OBP2B: variants seen among roughly 807,000 people sequenced by gnomAD.
The protein encoded by OBP2B is odorant-binding protein 2b.
A neutral mutation model predicts 21.7 loss-of-function variants in OBP2B; 10 were observed. The ratio of observed to expected loss-of-function variants is 0.46; its 90% CI spans 0.28 to 0.78. The LOEUF is 0.78. Among genes scored for constraint, OBP2B ranks in the 30% least tolerant of loss-of-function variants. OBP2B has a pLI of 0.11. For synonymous variants in OBP2B, 73 were observed against 91.5 expected (o/e 0.80, Z 1.16); for missense variants, 153 against 217.7 (o/e 0.70, Z 1.87).
chr9:133,219,350 T>G, the OBP2B span, among the ~76,000 whole-genome samples: 2 of 152,162 alleles, frequency 1.3e-5, no homozygotes, highest in Non-Finnish European at 2.9e-5. Context: ...CGTGAGAAAA[T>G]ACTTGCAAAT....
chr9:133,205,414 G>A lies in OBP2B; in HGVS notation c.*2-3C>T, dbSNP rs1241515800. On this transcript the variant is annotated splice_polypyrimidine_tract_variant and splice_region_variant and intron_variant, in intron 6 of 6. Transcript: ENST00000372034. The stretch of plus-strand genomic sequence containing the variant: ...TGGAGGTGCAGACCCGGGGGCTGCT[G>A]TGCTGGGAAGAGGAGCAGAGGTCAG... 1.5e-6 allele frequency: 2 copies of A among 1,330,774 alleles called. No individual in the cohort carries two copies. The highest frequency in any genetic ancestry group is 2.1e-6 in the Non-Finnish European group (2 of 961,128). 82.4% of individuals were successfully genotyped at this position (1,330,774 alleles called of 1,614,324 possible).
At chr9:133,207,114 G>A (rs538698577) in intron 4 of OBP2B, 112 bp downstream of exon 4, 103 of 758,810 alleles carry the variant, frequency 1.4e-4, no homozygotes, top group South Asian at 1.1e-3. Flanking sequence ...CATGAAAGCC[G>A]GCACAGGGGG....
chr9:133,210,331 A>G (rs1410121565), upstream of OBP2B, among the ~76,000 whole-genome samples: 2 of 152,078 alleles, frequency 1.3e-5, no homozygotes, highest in African/African-American at 2.4e-5. Context: ...AGACACTCTC[A>G]AGTACTTACT....
chr9:133,208,810 A>G (rs1185546473), intron 1 of OBP2B, among the ~76,000 whole-genome samples: 16 of 151,952 alleles, frequency 1.1e-4, no homozygotes, highest in Non-Finnish European at 2.2e-4. Context: ...CAGTGGAAGG[A>G]GGGCATGTCT....
chr9:133,211,544 G>A (rs1296582481), upstream of OBP2B, among the ~76,000 whole-genome samples: 2 of 152,334 alleles, frequency 1.3e-5, no homozygotes, highest in Middle Eastern at 6.8e-3. Context: ...AAACCCAGAT[G>A]TGCAAGTGAA....
chr9:133,207,676 G>A (rs1833779170), intron 3 of OBP2B, among the ~76,000 whole-genome samples: 1 of 139,132 alleles, frequency 7.2e-6, no homozygotes, highest in South Asian at 2.3e-4. Context: ...CTAACCCTCG[G>A]CCTCCCCATC....
At chr9:133,215,157 C>T in the OBP2B span, among the ~76,000 whole-genome samples, 40 of 152,176 alleles carry the variant, frequency 2.6e-4, no homozygotes, top group African/African-American at 8.2e-4. Context: ...AACTTAAAAA[C>T]ACAATACTAC....
At chr9:133,206,086 C>G (rs1833698863) in intron 5 of OBP2B, 146 bp from the exon 6 acceptor site, 1 of 834,256 alleles carries the variant, frequency 1.2e-6, no homozygotes, top group East Asian at 2.6e-5. Context: ...GAGCGCGGAG[C>G]CCCAGACCCC....
the OBP2B span, among the ~76,000 whole-genome samples, chr9:133,221,095 C>A: frequency 6.6e-6 from 1 of 152,200 alleles, no homozygotes; most frequent in Non-Finnish European, 1.5e-5. Flanking sequence ...GTTGTCTCAG[C>A]AAAACCTGCA....
intron 4 of OBP2B, 131 bp from the exon 5 acceptor site, chr9:133,206,547 C>T (rs1395115469): frequency 1.2e-5 from 14 of 1,204,756 alleles, no homozygotes; most frequent in African/African-American, 7.6e-5. Context: ...GATCAGAGCT[C>T]GGGGGTGGGG....
chr9:133,206,414 T>C lies in OBP2B; in HGVS notation c.391A>G (p.Arg131Gly). 1.9e-6 allele frequency: 3 copies of C among 1,613,752 alleles called. No individual in the cohort carries two copies. The highest frequency in any genetic ancestry group is 2.5e-6 in the Non-Finnish European group (3 of 1,179,762). The change falls in exon 5 of 7, where the codon AGG becomes GGG. Residue 131 changes from arginine (R) to glycine (G), a missense_variant and splice_region_variant. Physicochemically the swap from Arg to Gly is moderately radical, Grantham distance 125. Coordinates refer to ENST00000372034, the MANE Select transcript of OBP2B (RefSeq NM_014581.4). ...GLLHMGKLVG[R>G]NSDTNREALE... ...GCCTCCCGGTTGGTATCAGAATTCC[T>C]ACCTGCAGGTGAGGTGGCCAGGTGA...
upstream of OBP2B, among the ~76,000 whole-genome samples, chr9:133,214,227 T>C (rs1445966433): frequency 5.9e-5 from 9 of 152,180 alleles, no homozygotes; most frequent in African/African-American, 1.2e-4. Flanking sequence ...ACAAAGAGCA[T>C]CTACAAAAAA....
intron 1 of OBP2B, among the ~76,000 whole-genome samples, chr9:133,208,925 T>G (rs1377981423): frequency 1.9e-4 from 29 of 152,070 alleles, no homozygotes; most frequent in Non-Finnish European, 3.7e-4. Flanking sequence ...CAGGAACCCC[T>G]GAGACGAGCC....
intron 1 of OBP2B, 83 bp from the exon 2 acceptor site, chr9:133,208,685 C>T: frequency 1.3e-6 from 2 of 1,528,930 alleles, no homozygotes; most frequent in South Asian, 2.5e-5. Context: ...CAGCTATAAC[C>T]AGACACCCAT....
chr9:133,205,739 A>G (rs1394353242), intron 6 of OBP2B, 178 bp downstream of exon 6: 1 of 887,120 alleles, frequency 1.1e-6, no homozygotes, highest in Non-Finnish European at 1.8e-6. Flanking sequence ...AAAACAAAGG[A>G]CTTCCCGAAT....
chr9:133,212,998 G>A (rs1263769477), upstream of OBP2B, among the ~76,000 whole-genome samples: 3 of 151,912 alleles, frequency 2.0e-5, no homozygotes, highest in Non-Finnish European at 4.4e-5. Context: ...CCCCACGTGG[G>A]CAGATCACTT....
intron 3 of OBP2B, chr9:133,207,752 C>CTAACCCTCAGCCTCCCCATCCT (rs1564286133): frequency 2.2e-6 from 2 of 918,746 alleles, no homozygotes; most frequent in East Asian, 3.8e-5. Context: ...GCCCCCGTCC[C>CTAACCCTCAGCCTCCCCATCCT]TAACCCTCAG....
the OBP2B span, among the ~76,000 whole-genome samples, chr9:133,222,426 A>G: frequency 0.7 from 105,727 of 152,116 alleles, 37,970 homozygotes; most frequent in Non-Finnish European, 0.81. Context: ...TTCTCCTACA[A>G]TGCAGAAGTG....
chr9:133,207,387 A>C, intron 3 of OBP2B, 51 bp from the exon 4 acceptor site: 1 of 1,199,236 alleles, frequency 8.3e-7, no homozygotes, highest in Non-Finnish European at 1.2e-6. Flanking sequence ...ACTCGGGGCC[A>C]CATGAAGAAA....
Sources: gnomAD v4.1 joint callset for allele counts (sites outside exome capture counted in the v4.1 genomes callset) on GRCh38, gnomAD v4.1.1 for gene constraint, MANE v1.5 for transcripts, NCBI Gene and HGNC (gene_info 2026-07-23, HGNC 2026-07-21) for gene names.